The following NYAP2 variants were observed in gnomAD, a reference collection of about 807,000 sequenced individuals.
The protein encoded by NYAP2 is neuronal tyrosine-phosphorylated phosphoinositide-3-kinase adapter 2.
A neutral mutation model predicts 50.4 loss-of-function variants in NYAP2; 23 were observed. That is an observed-to-expected ratio of 0.46 (90% CI 0.33 to 0.65). The LOEUF (loss-of-function observed/expected upper bound fraction) is 0.65, where lower values mean the gene tolerates loss of function less well. Ranked by LOEUF, NYAP2 falls within the 30% of genes least tolerant of loss-of-function variation. The pLI, the probability that NYAP2 is intolerant of heterozygous loss-of-function variation, is 0.02. For synonymous variants in NYAP2, 394 were observed against 365.2 expected (o/e 1.08, Z -0.90); for missense variants, 885 against 861.0 (o/e 1.03, Z -0.35).
chr2:225,398,410 T>C (rs1445756751), upstream of NYAP2, among the ~76,000 whole-genome samples: 2 of 152,056 alleles, frequency 1.3e-5, no homozygotes, highest in South Asian at 2.1e-4. Flanking sequence ...GTGTTTCCGT[T>C]TTCTAAAATG....
At chr2:225,512,270 T>C (rs919946840) in intron 3 of NYAP2, among the ~76,000 whole-genome samples, 2 of 152,196 alleles carry the variant, frequency 1.3e-5, no homozygotes, top group Non-Finnish European at 2.9e-5. Flanking sequence ...AAACTTTGCA[T>C]ACACTGAATA....
At chr2:225,446,246 C>CTCTCTATA (rs1239402824) in intron 3 of NYAP2, among the ~76,000 whole-genome samples, 12 of 82,270 alleles carry the variant, frequency 1.5e-4, no homozygotes, top group Admixed American at 3.1e-4. Context: ...CTCTCTCTCT[C>CTCTCTATA]TATATATATA....
At chr2:225,608,736 G>A (rs1311765985) in intron 5 of NYAP2, among the ~76,000 whole-genome samples, 2 of 152,092 alleles carry the variant, frequency 1.3e-5, no homozygotes, top group African/African-American at 4.8e-5. Context: ...ACCACACAGT[G>A]ACTTTCTGGA....
At chr2:225,669,678 GAAT>G in the NYAP2 span, among the ~76,000 whole-genome samples, 1 of 151,960 alleles carries the variant, frequency 6.6e-6, no homozygotes, top group Non-Finnish European at 1.5e-5. Flanking sequence ...CTGCTAAAGT[GAAT>G]AACAAAAAAA....
chr2:225,541,915 C>A (rs1691479849), intron 4 of NYAP2, among the ~76,000 whole-genome samples: 1 of 152,088 alleles, frequency 6.6e-6, no homozygotes, highest in South Asian at 2.1e-4. Flanking sequence ...CCTTCCAATC[C>A]ATGAACATGG....
rs1422980177 is a variant in NYAP2 at position 225,446,216 on chromosome 2, G to GTCTGTC, written c.221+37118_221+37119insGTCTCT. 7.5e-3 allele frequency among the ~76,000 whole-genome samples: 516 copies of GTCTGTC among 68,856 alleles called. 2 individuals carry two copies. The highest frequency in any genetic ancestry group is 0.012 in the Middle Eastern group (2 of 170). 45.2% of individuals were successfully genotyped at this position (68,856 alleles called of 152,430 possible). ...TGTCTGTCTGTCTGTCTGTCTGTCT[G>GTCTGTC]TCTCTCTCTCTCTCTCTCTCTCTCT... On this transcript the variant is annotated intron_variant, in intron 3 of 6. Coordinates refer to ENST00000636099, the Ensembl canonical transcript of NYAP2.
At chr2:225,408,934 A>G in exon 3 of NYAP2, 1 of 1,612,022 alleles carries the variant, frequency 6.2e-7, no homozygotes, top group South Asian at 1.1e-5. Flanking sequence ...CTTTGGACAC[A>G]TTTCTCCAGT....
At chr2:225,445,820 T>C (rs1332012979) in intron 3 of NYAP2, among the ~76,000 whole-genome samples, 1 of 152,100 alleles carries the variant, frequency 6.6e-6, no homozygotes, top group East Asian at 1.9e-4. Context: ...TATAGAAGTG[T>C]ATAGATATAT....
chr2:225,399,626 G>C (rs1694824175), upstream of NYAP2: 1 of 151,978 alleles, frequency 6.6e-6, no homozygotes, highest in Admixed American at 6.6e-5. Context: ...CTCATGCCAT[G>C]GGAGCAGGTG....
chr2:225,458,103 G>A (rs924750021), intron 3 of NYAP2, among the ~76,000 whole-genome samples: 2 of 151,906 alleles, frequency 1.3e-5, no homozygotes, highest in Non-Finnish European at 2.9e-5. Flanking sequence ...TTCATTTAAG[G>A]AGTCATTGAA....
At chr2:225,445,841 C>T (rs1047062722) in intron 3 of NYAP2, among the ~76,000 whole-genome samples, 6 of 151,718 alleles carry the variant, frequency 4.0e-5, no homozygotes, top group African/African-American at 1.5e-4. Flanking sequence ...AAATAAAAGG[C>T]CAAAAATGAT....
intron 3 of NYAP2, among the ~76,000 whole-genome samples, chr2:225,454,668 T>C (rs2106149912): frequency 6.6e-6 from 1 of 152,284 alleles, no homozygotes; most frequent in Admixed American, 6.5e-5. Context: ...CATAGGAGCA[T>C]GAACCCTATT....
At chr2:225,401,844 T>C (rs74730426) in intron 2 of NYAP2, among the ~76,000 whole-genome samples, 6 of 152,024 alleles carry the variant, frequency 3.9e-5, no homozygotes, top group Non-Finnish European at 5.9e-5. Context: ...GATTTTTTTT[T>C]CTAAATATAG....
the NYAP2 span, among the ~76,000 whole-genome samples, chr2:225,685,820 G>A: frequency 1.3e-5 from 2 of 151,990 alleles, no homozygotes; most frequent in African/African-American, 2.4e-5. Context: ...AGCCTCTTAC[G>A]ATGTGATATA....
chr2:225,475,363 C>T (rs1417812109), intron 3 of NYAP2, among the ~76,000 whole-genome samples: 1 of 152,166 alleles, frequency 6.6e-6, no homozygotes, highest in East Asian at 1.9e-4. Flanking sequence ...TTGTTCTACC[C>T]TCCCCTGGTG....
rs199977008 is a variant in NYAP2, at chr2:225,544,414, G to T, written c.523+30742G>T. Among the ~76,000 whole-genome samples, 470 of 151,396 alleles carry T rather than the reference G, an allele frequency of 3.1e-3. 4 individuals carry two copies. Among genetic ancestry groups the T allele is most frequent in the African/African-American group, 9.3e-3 (383 of 41,364 alleles). Reference sequence around the variant, plus strand: ...GTAGGATTAAATTTCTTGCTTTTTTGTGTGTGTGTATTTGTTGTATGATGT... The same window carrying T: ...GTAGGATTAAATTTCTTGCTTTTTTTTGTGTGTGTATTTGTTGTATGATGT... On this transcript the variant is annotated intron_variant, in intron 4 of 6. Coordinates refer to ENST00000636099, the Ensembl canonical transcript of NYAP2.
intron 3 of NYAP2, among the ~76,000 whole-genome samples, chr2:225,502,822 T>C (rs1690630813): frequency 6.6e-6 from 1 of 152,198 alleles, no homozygotes; most frequent in South Asian, 2.1e-4. Context: ...GATCACAAGG[T>C]GCTGAAATCA....
chr2:225,487,000 A>G (rs777627879), intron 3 of NYAP2, among the ~76,000 whole-genome samples: 28 of 152,230 alleles, frequency 1.8e-4, no homozygotes, highest in Admixed American at 3.9e-4. Context: ...AATTATAGGT[A>G]GACAAAAGTC....
intron 4 of NYAP2, among the ~76,000 whole-genome samples, chr2:225,556,229 A>G (rs537268495): frequency 1.3e-5 from 2 of 152,318 alleles, no homozygotes; most frequent in African/African-American, 4.8e-5. Context: ...AAGTGGACAT[A>G]AACATTTTCT....
Sources: gnomAD v4.1 joint callset for allele counts (sites outside exome capture counted in the v4.1 genomes callset) on GRCh38, gnomAD v4.1.1 for gene constraint, MANE v1.5 for transcripts, NCBI Gene and HGNC (gene_info 2026-07-23, HGNC 2026-07-21) for gene names.